TAFA1: variants seen among roughly 807,000 people sequenced by gnomAD.
TAFA1 encodes TAFA chemokine like family member 1, also known as chemokine-like protein TAFA-1.
A neutral mutation model predicts 18.5 loss-of-function variants in TAFA1; 4 were observed. The observed-to-expected ratio is 0.22, with a 90% CI of 0.11 to 0.49. TAFA1 has a LOEUF of 0.49. Ranked by LOEUF, TAFA1 falls within the 20% of genes least tolerant of loss-of-function variation. The pLI is 0.98. For missense variants in TAFA1, 147 were observed against 169.0 expected (o/e 0.87, Z 0.72); for synonymous variants, 56 against 55.2 (o/e 1.01, Z -0.06).
intron 2 of TAFA1, among the ~76,000 whole-genome samples, chr3:68,295,902 A>C (rs1393162155): frequency 3.3e-5 from 5 of 152,156 alleles, no homozygotes; most frequent in Admixed American, 1.3e-4. Context: ...GAGCCTTCTG[A>C]GTAGCTGAGA....
intron 2 of TAFA1, among the ~76,000 whole-genome samples, chr3:68,167,586 A>C (rs2065999646): frequency 8.1e-6 from 1 of 122,960 alleles, no homozygotes; most frequent in Non-Finnish European, 1.7e-5. Flanking sequence ...CAAAAAAAAA[A>C]CAAAAAAAAC....
chr3:68,464,454 T>G (rs1464983537), intron 3 of TAFA1, among the ~76,000 whole-genome samples: 2 of 151,978 alleles, frequency 1.3e-5, no homozygotes, highest in Non-Finnish European at 2.9e-5. Flanking sequence ...CTGGTAAAGT[T>G]TTGTGGGGAG....
chr3:68,038,355 T>C (rs9865881), intron 2 of TAFA1, among the ~76,000 whole-genome samples: 10,126 of 152,148 alleles, frequency 0.067, 466 homozygotes, highest in South Asian at 0.17. Context: ...TCAATGTTGG[T>C]GGGAAGGTGT....
At chr3:68,039,397 T>G (rs1259099679) in intron 2 of TAFA1, among the ~76,000 whole-genome samples, 1 of 152,168 alleles carries the variant, frequency 6.6e-6, no homozygotes, top group African/African-American at 2.4e-5. Flanking sequence ...CAATCAACTT[T>G]CTGTGCAAGG....
At chr3:68,027,978 A>C (rs940065083) in intron 2 of TAFA1, among the ~76,000 whole-genome samples, 1 of 152,168 alleles carries the variant, frequency 6.6e-6, no homozygotes, top group Non-Finnish European at 1.5e-5. Context: ...GGAAATCCCA[A>C]CAAAAATATT....
chr3:68,482,522 T>C (rs1044631473), intron 3 of TAFA1, among the ~76,000 whole-genome samples: 2 of 152,166 alleles, frequency 1.3e-5, no homozygotes, highest in Non-Finnish European at 2.9e-5. Flanking sequence ...AGTGAAAACT[T>C]GCAAAAGGGG....
chr3:68,076,698 A>G (rs2106762383), intron 2 of TAFA1, among the ~76,000 whole-genome samples: 1 of 152,396 alleles, frequency 6.6e-6, no homozygotes, highest in Non-Finnish European at 1.5e-5. Flanking sequence ...ATCTTAATCC[A>G]GTCTATCATT....
At chr3:68,117,328 C>G (rs1340636621) in intron 2 of TAFA1, among the ~76,000 whole-genome samples, 2 of 152,070 alleles carry the variant, frequency 1.3e-5, no homozygotes, top group Non-Finnish European at 2.9e-5. Flanking sequence ...AGATTTTTTC[C>G]CAAGCTCGCT....
intron 2 of TAFA1, among the ~76,000 whole-genome samples, chr3:68,238,432 A>C (rs541125266): frequency 2.6e-5 from 4 of 152,230 alleles, no homozygotes; most frequent in Admixed American, 6.5e-5. Flanking sequence ...TGCCAGATGT[A>C]AGATCTGGAA....
chr3:68,262,886 A>C (rs1399070311), intron 2 of TAFA1, among the ~76,000 whole-genome samples: 1 of 152,236 alleles, frequency 6.6e-6, no homozygotes, highest in Non-Finnish European at 1.5e-5. Context: ...GATGTTAGAC[A>C]TTAAATGTTG....
intron 2 of TAFA1, among the ~76,000 whole-genome samples, chr3:68,049,003 G>A (rs917879345): frequency 6.6e-6 from 1 of 152,146 alleles, no homozygotes; most frequent in South Asian, 2.1e-4. Flanking sequence ...GAATCATACG[G>A]AAGTTCTATT....
chr3:68,218,891 G>A (rs1054516541), intron 2 of TAFA1, among the ~76,000 whole-genome samples: 5 of 151,972 alleles, frequency 3.3e-5, no homozygotes, highest in African/African-American at 7.2e-5. Flanking sequence ...CTTACTATCC[G>A]TGACCATCAC....
intron 2 of TAFA1, among the ~76,000 whole-genome samples, chr3:68,249,158 A>C (rs1413835533): frequency 6.6e-6 from 1 of 152,160 alleles, no homozygotes; most frequent in Non-Finnish European, 1.5e-5. Context: ...GGTCATAAGC[A>C]CCAAAAGAAA....
At position 68,443,490 on chromosome 3, in the gene TAFA1, A is replaced by AC. The variant is rs1457966376; in HGVS notation, c.259+26070_259+26071insC. Among the ~76,000 whole-genome samples the AC allele has an allele frequency of 1.2e-3, 162 of 138,892 alleles. 2 individuals carry two copies. In the East Asian group the frequency reaches 0.027, roughly 24 times the overall value. The allele number at this position is 138,892 out of a possible 152,430, so 91.1% of individuals were successfully genotyped here. On this transcript the variant is annotated intron_variant, in intron 3 of 4. Transcript: ENST00000478136. ...GCAATTTACAAAAAAAAAAAAAAAA[A>AC]AAAAAACAAAAAAAAAGAGGTTTGT...
Position 68,469,048 on chromosome 3 carries a change from C to G in TAFA1, c.259+51628C>G, listed in dbSNP as rs1331848249. Among the ~76,000 whole-genome samples the G allele has an allele frequency of 2.0e-5, 3 of 152,026 alleles. No individual in the cohort carries two copies. In the East Asian group the frequency reaches 5.8e-4, roughly 29 times the overall value. On this transcript the variant is annotated intron_variant, in intron 3 of 4. Transcript: ENST00000478136. ...AATGGTTCAAACTGAAGCACCTTTC[C>G]AAGCAATTGTTAGGATCAGTGCTGG...
chr3:68,218,414 T>C lies in TAFA1; in HGVS notation c.119-198866T>C, dbSNP rs1221978694. Among the ~76,000 whole-genome samples the C allele has an allele frequency of 2.6e-5, 4 of 152,100 alleles. No individual in the cohort carries two copies. The East Asian group carries it at 7.8e-4, about 29-fold the overall frequency. ...GAGAGTATATTCTTATTCATGATAA[T>C]CCAGATTTCTGGCTTGTGACTGATT... On this transcript the variant is annotated intron_variant, in intron 2 of 4. Coordinates refer to ENST00000478136, the MANE Select transcript of TAFA1 (RefSeq NM_213609.4).
At chr3:68,058,833 G>A (rs2106720489) in intron 2 of TAFA1, among the ~76,000 whole-genome samples, 1 of 152,142 alleles carries the variant, frequency 6.6e-6, no homozygotes, top group African/African-American at 2.4e-5. Context: ...GTTTTCTATG[G>A]CTGCTGTATC....
chr3:68,081,366 T>A (rs2064897417), intron 2 of TAFA1, among the ~76,000 whole-genome samples: 2 of 152,136 alleles, frequency 1.3e-5, no homozygotes, highest in Non-Finnish European at 1.5e-5. Flanking sequence ...GGACCTGCGT[T>A]CCTTTGGAGG....
intron 2 of TAFA1, among the ~76,000 whole-genome samples, chr3:68,153,063 A>C (rs931987614): frequency 2.6e-5 from 4 of 152,190 alleles, no homozygotes; most frequent in African/African-American, 9.6e-5. Context: ...TTGGGCAGAC[A>C]AATCAATGAA....
Sources: gnomAD v4.1 joint callset for allele counts (sites outside exome capture counted in the v4.1 genomes callset) on GRCh38, gnomAD v4.1.1 for gene constraint, MANE v1.5 for transcripts, NCBI Gene and HGNC (gene_info 2026-07-23, HGNC 2026-07-21) for gene names.